The following FLVCR1 variants were observed in gnomAD, a reference collection of about 807,000 sequenced individuals.
FLVCR1 encodes the protein choline/ethanolamine transporter FLVCR1.
A neutral mutation model predicts 53.6 loss-of-function variants in FLVCR1; 34 were observed. The ratio of observed to expected loss-of-function variants is 0.63; its 90% confidence interval spans 0.48 to 0.84. The LOEUF (loss-of-function observed/expected upper bound fraction) is 0.84, where lower values mean the gene tolerates loss of function less well. FLVCR1 is among the 40% of genes least tolerant of loss of function. FLVCR1 has a pLI of 0.00. For missense variants in FLVCR1, 677 were observed against 696.7 expected (o/e 0.97, Z 0.32); for synonymous variants, 300 against 286.3 (o/e 1.05, Z -0.48).
At chr1:212,872,922 G>C in intron 3 of FLVCR1, 104 bp downstream of exon 3, 1 of 1,186,572 alleles carries the variant, frequency 8.4e-7, no homozygotes, top group Non-Finnish European at 1.3e-6. Context: ...AGATTGGCCT[G>C]TTAACTCTAC....
intron 1 of FLVCR1, among the ~76,000 whole-genome samples, chr1:212,861,898 C>T (rs1468654975): frequency 6.6e-6 from 1 of 152,086 alleles, no homozygotes; most frequent in African/African-American, 2.4e-5. Context: ...TCTCGATCTC[C>T]TGACCTCGTG....
chr1:212,883,839 CTTT>C (rs34065564), intron 4 of FLVCR1, among the ~76,000 whole-genome samples: 32,700 of 143,370 alleles, frequency 0.23, 4,134 homozygotes, highest in East Asian at 0.44. Context: ...TATGAATCTC[CTTT>C]TTTTTTTTTT....
chr1:212,873,099 G>A (rs1302937569), intron 3 of FLVCR1, among the ~76,000 whole-genome samples: 1 of 152,112 alleles, frequency 6.6e-6, no homozygotes, highest in Non-Finnish European at 1.5e-5. Flanking sequence ...TTGATGTCAG[G>A]AGTTGCATGT....
chr1:212,893,071 G>GT (rs1665235943), intron 8 of FLVCR1, among the ~76,000 whole-genome samples: 1 of 148,198 alleles, frequency 6.7e-6, no homozygotes, highest in South Asian at 2.1e-4. Flanking sequence ...TTTTTGGGGG[G>GT]GGGTGCCGGA....
At chr1:212,877,502 C>T (rs11120055) in intron 3 of FLVCR1, among the ~76,000 whole-genome samples, 33,767 of 151,968 alleles carry the variant, frequency 0.22, 4,394 homozygotes, top group East Asian at 0.44. Flanking sequence ...CGTGAGCCAC[C>T]GCGCCTGGCC....
intron 8 of FLVCR1, among the ~76,000 whole-genome samples, chr1:212,890,665 A>T (rs1665169247): frequency 6.6e-6 from 1 of 152,224 alleles, no homozygotes; most frequent in African/African-American, 2.4e-5. Flanking sequence ...TCCCCCGCAG[A>T]TACCAAGGGA....
chr1:212,877,387 T>C (rs1236834200), intron 3 of FLVCR1, among the ~76,000 whole-genome samples: 1 of 151,986 alleles, frequency 6.6e-6, no homozygotes, highest in African/African-American at 2.4e-5. Context: ...TAATTTTTTG[T>C]AATTTTTAGT....
chr1:212,886,570 C>T (rs954003813), intron 5 of FLVCR1, among the ~76,000 whole-genome samples: 4 of 151,882 alleles, frequency 2.6e-5, no homozygotes, highest in African/African-American at 4.8e-5. Flanking sequence ...GAGGCCAAGG[C>T]GGGTAGATTG....
Position 212,858,529 on chromosome 1 carries a change from C to G in FLVCR1, c.77C>G (p.Pro26Arg). ...CTCGCGAAAGGATACCTCCCGTTGC[C>G]GAGGGGCGCGCCCGTTGGGAAGGAG... ...HPLAKGYLPL[P>R]RGAPVGKESV... Residue 26 changes from proline to arginine, a missense_variant, in exon 1 of 10, where the codon CCG becomes CGG. Transcript: ENST00000366971. 6.8e-7 allele frequency: 1 copy of G among 1,460,838 alleles called. No homozygotes were observed. The highest frequency in any genetic ancestry group is 1.4e-5 in the South Asian group (1 of 70,354). The allele number at this position is 1,460,838 out of a possible 1,614,324, so 90.5% of individuals were successfully genotyped here.
At chr1:212,886,282 A>G (rs1231706263) in intron 5 of FLVCR1, among the ~76,000 whole-genome samples, 3 of 151,806 alleles carry the variant, frequency 2.0e-5, no homozygotes, top group East Asian at 2.0e-4. Flanking sequence ...AGGTCAGGCA[A>G]TCTGCCCACC....
chr1:212,895,000 G>C lies in FLVCR1; in HGVS notation c.1540G>C (p.Asp514His), dbSNP rs1026164030. 2 of 1,604,186 alleles carry C rather than the reference G, an allele frequency of 1.2e-6. No individual in the cohort carries two copies. Among genetic ancestry groups the C allele is most frequent in the African/African-American group, 2.7e-5 (2 of 74,716 alleles). Reference protein sequence around the residue: ...GIILTALIKSDLRRHNINIGI... With the variant: ...GIILTALIKSHLRRHNINIGI... ...CTCTGTTTCAGCATTAATCAAGTCT[G>C]ATCTGCGAAGACACAACATAAATAT... is the stretch of plus-strand genomic sequence containing the variant. The change falls in exon 9 of 10, where the codon GAT becomes CAT. Residue 514 changes from aspartate (D) to histidine (H), a missense_variant. Asp to His is a moderately conservative substitution (Grantham distance 81). Coordinates refer to ENST00000366971, the MANE Select transcript of FLVCR1 (RefSeq NM_014053.4).
intron 3 of FLVCR1, among the ~76,000 whole-genome samples, chr1:212,883,004 G>T (rs1441804246): frequency 6.6e-6 from 1 of 152,174 alleles, no homozygotes; most frequent in Non-Finnish European, 1.5e-5. Context: ...TTGCACATTT[G>T]TTGGCTGTAG....
chr1:212,865,896 ATCTCTG>A (rs1664402003), intron 2 of FLVCR1, among the ~76,000 whole-genome samples: 1 of 76,336 alleles, frequency 1.3e-5, no homozygotes, highest in Non-Finnish European at 3.5e-5. Flanking sequence ...ACTCACTGCA[ATCTCTG>A]CCTCCTGGGT....
At chr1:212,893,067 G>GA (rs201181910) in intron 8 of FLVCR1, among the ~76,000 whole-genome samples, 7 of 61,356 alleles carry the variant, frequency 1.1e-4, no homozygotes, top group East Asian at 7.1e-4. Context: ...TTTTTTTTTG[G>GA]GGGGGGGTGC....
At position 212,899,214 on chromosome 1, in the gene FLVCR1, T is replaced by C. The variant is rs1475621035; in HGVS notation, c.*3924T>C. On this transcript the variant is annotated 3_prime_UTR_variant, in exon 10 of 10. Coordinates refer to ENST00000366971, the MANE Select transcript of FLVCR1 (RefSeq NM_014053.4). ...GAGATGTCTTTAAAAAATATGTTTGTGTGTAAAAATGTGTCTGTATGCAAT... is the reference window on the plus strand; with the variant it reads ...GAGATGTCTTTAAAAAATATGTTTGCGTGTAAAAATGTGTCTGTATGCAAT... The C allele has an allele frequency of 1.3e-5, 2 of 152,236 alleles. No individual in the cohort carries two copies. Among genetic ancestry groups the C allele is most frequent in the Non-Finnish European group, 2.9e-5 (2 of 68,038 alleles). 9.4% of individuals were successfully genotyped at this position (152,236 alleles called of 1,614,324 possible).
chr1:212,865,907 C>CCACAT (rs1558109194), intron 2 of FLVCR1, among the ~76,000 whole-genome samples: 8 of 73,932 alleles, frequency 1.1e-4, no homozygotes, highest in Non-Finnish European at 1.5e-4. Flanking sequence ...TCTCTGCCTC[C>CCACAT]TGGGTTCAAG....
intron 5 of FLVCR1, among the ~76,000 whole-genome samples, chr1:212,886,776 T>A (rs1665076287): frequency 6.6e-6 from 1 of 151,908 alleles, no homozygotes; most frequent in African/African-American, 2.4e-5. Flanking sequence ...GTCTCCAGCC[T>A]GGGTGACAGA....
intron 2 of FLVCR1, chr1:212,870,054 GA>G (rs1664553078): frequency 6.6e-6 from 1 of 152,100 alleles, no homozygotes; most frequent in Non-Finnish European, 1.5e-5. Flanking sequence ...ATCTGATTAG[GA>G]TACAAAGAGA....
rs371764606 is a variant in FLVCR1, at chr1:212,895,142, G to A, written c.1594-74G>A. ...TTTTTTATTTAGCTATTTTTCTCCC[G>A]AGTCAACTGTTGATCTGTTATAATA... On this transcript the variant is annotated intron_variant, in intron 9 of 9. Coordinates refer to ENST00000366971, the MANE Select transcript of FLVCR1 (RefSeq NM_014053.4). 6.1e-5 allele frequency: 85 copies of A among 1,388,580 alleles called. No homozygotes were observed. In the East Asian group the frequency reaches 1.5e-3, roughly 25 times the overall value. 86.0% of individuals were successfully genotyped at this position (1,388,580 alleles called of 1,614,324 possible).
Sources: gnomAD v4.1 joint callset for allele counts (sites outside exome capture counted in the v4.1 genomes callset) on GRCh38, gnomAD v4.1.1 for gene constraint, MANE v1.5 for transcripts, NCBI Gene and HGNC (gene_info 2026-07-23, HGNC 2026-07-21) for gene names.